Variants in PRR16 observed in about 807,000 individuals in gnomAD.
PRR16 encodes the protein protein Largen.
Under a neutral mutation model 18.2 loss-of-function variants are expected in PRR16, and 6 were observed. The ratio of observed to expected loss-of-function variants is 0.33; its 90% confidence interval spans 0.18 to 0.65. The LOEUF (loss-of-function observed/expected upper bound fraction) is 0.65, where lower values mean the gene tolerates loss of function less well. Among genes scored for constraint, PRR16 ranks in the 30% least tolerant of loss-of-function variants. PRR16 has a pLI of 0.74. For missense variants in PRR16, 412 were observed against 376.6 expected (o/e 1.09, Z -0.78); for synonymous variants, 151 against 147.8 (o/e 1.02, Z -0.16).
At chr5:120,740,693 A>G in the PRR16 span, among the ~76,000 whole-genome samples, 7 of 152,298 alleles carry the variant, frequency 4.6e-5, no homozygotes, top group African/African-American at 1.7e-4. Flanking sequence ...TCATTTCTAT[A>G]TAAATTCTGG....
the PRR16 span, among the ~76,000 whole-genome samples, chr5:120,740,682 C>T: frequency 6.6e-6 from 1 of 152,106 alleles, no homozygotes; most frequent in Admixed American, 6.5e-5. Context: ...CTTAAACCTT[C>T]TCATTTCTAT....
the PRR16 span, among the ~76,000 whole-genome samples, chr5:120,745,729 C>T: frequency 0.1 from 15,591 of 151,448 alleles, 1,017 homozygotes; most frequent in African/African-American, 0.18. Context: ...GATAGAGTCT[C>T]ACTCTGTCAC....
chr5:120,573,541 AAGCTTT>A (rs1752973206), intron 1 of PRR16, among the ~76,000 whole-genome samples: 2 of 152,136 alleles, frequency 1.3e-5, no homozygotes, highest in Non-Finnish European at 2.9e-5. Flanking sequence ...TAATTTAGTA[AAGCTTT>A]AGAAAGAGCA....
chr5:120,717,969 T>G, the PRR16 span, among the ~76,000 whole-genome samples: 6 of 152,154 alleles, frequency 3.9e-5, no homozygotes, highest in Non-Finnish European at 8.8e-5. Flanking sequence ...ATATTCTGCT[T>G]TTTTCCCTCC....
intron 1 of PRR16, among the ~76,000 whole-genome samples, chr5:120,510,642 G>A (rs1003438122): frequency 2.0e-5 from 3 of 152,132 alleles, no homozygotes; most frequent in Admixed American, 2.0e-4. Context: ...AATGCACTGG[G>A]TGATGGGTGG....
chr5:120,777,522 C>G, the PRR16 span, among the ~76,000 whole-genome samples: 7 of 151,914 alleles, frequency 4.6e-5, no homozygotes, highest in Non-Finnish European at 1.0e-4. Context: ...CTCACTTTTC[C>G]CTATTCTCAT....
At chr5:120,674,373 A>G (rs1756723561) in intron 1 of PRR16, among the ~76,000 whole-genome samples, 1 of 152,194 alleles carries the variant, frequency 6.6e-6, no homozygotes, top group African/African-American at 2.4e-5. Flanking sequence ...CTTTTAAAGA[A>G]TGGATGTGAA....
the PRR16 span, among the ~76,000 whole-genome samples, chr5:120,761,719 C>T: frequency 1.3e-5 from 2 of 152,002 alleles, no homozygotes; most frequent in Non-Finnish European, 1.5e-5. Context: ...GTGTTGGGAA[C>T]ATTTCAAATC....
At chr5:120,725,224 G>A in the PRR16 span, among the ~76,000 whole-genome samples, 42 of 151,832 alleles carry the variant, frequency 2.8e-4, no homozygotes, top group African/African-American at 1.0e-3. Flanking sequence ...GTTATATCAT[G>A]ACAAGATCAG....
intron 1 of PRR16, among the ~76,000 whole-genome samples, chr5:120,512,890 A>G (rs1327987133): frequency 6.6e-6 from 1 of 152,196 alleles, no homozygotes; most frequent in Non-Finnish European, 1.5e-5. Flanking sequence ...CAGGACTCAC[A>G]TACTATATAG....
the PRR16 span, among the ~76,000 whole-genome samples, chr5:120,742,567 A>G: frequency 4.3e-4 from 65 of 152,164 alleles, no homozygotes; most frequent in African/African-American, 1.5e-3. Context: ...AAAAGAGATT[A>G]AAAGCATAGT....
chr5:120,608,313 T>C (rs184690199), intron 1 of PRR16, among the ~76,000 whole-genome samples: 1 of 152,272 alleles, frequency 6.6e-6, no homozygotes, highest in East Asian at 1.9e-4. Context: ...GTGCTACTTA[T>C]GTAAAACAGA....
intron 1 of PRR16, among the ~76,000 whole-genome samples, chr5:120,587,603 A>G (rs189077937): frequency 6.6e-6 from 1 of 152,334 alleles, no homozygotes; most frequent in East Asian, 1.9e-4. Context: ...TGTTTACAGC[A>G]CGATAAACTG....
At chr5:120,738,248 T>G in the PRR16 span, among the ~76,000 whole-genome samples, 1 of 152,102 alleles carries the variant, frequency 6.6e-6, no homozygotes, top group African/African-American at 2.4e-5. Flanking sequence ...TGGGGGCTCG[T>G]GGGTATAGCT....
chr5:120,641,774 T>C (rs773130803), intron 1 of PRR16, among the ~76,000 whole-genome samples: 7 of 152,114 alleles, frequency 4.6e-5, no homozygotes, highest in Non-Finnish European at 1.0e-4. Context: ...ACCCTCCGTC[T>C]GCAGAGAGCG....
the PRR16 span, among the ~76,000 whole-genome samples, chr5:120,715,031 G>A: frequency 6.6e-6 from 1 of 151,740 alleles, no homozygotes; most frequent in African/African-American, 2.4e-5. Flanking sequence ...CAGGTCAATA[G>A]GTGCAGCAAA....
the PRR16 span, among the ~76,000 whole-genome samples, chr5:120,794,574 G>A: frequency 6.6e-6 from 1 of 152,102 alleles, no homozygotes; most frequent in Admixed American, 6.5e-5. Flanking sequence ...ATAAATGTGT[G>A]TGTTTTGACT....
At chr5:120,581,428 C>T (rs902910715) in intron 1 of PRR16, among the ~76,000 whole-genome samples, 3 of 152,110 alleles carry the variant, frequency 2.0e-5, no homozygotes, top group African/African-American at 7.2e-5. Context: ...AATAGTCTAG[C>T]TAGCAGTCTA....
chr5:120,611,124 C>T (rs1490058118), intron 1 of PRR16, among the ~76,000 whole-genome samples: 2 of 152,084 alleles, frequency 1.3e-5, no homozygotes, highest in Non-Finnish European at 2.9e-5. Flanking sequence ...GGAACTTTGA[C>T]CTTGAGAGAG....
Sources: allele counts gnomAD v4.1 joint callset (sites outside exome capture counted in the v4.1 genomes callset), GRCh38; gene constraint gnomAD v4.1.1; transcripts MANE v1.5; gene names NCBI Gene and HGNC (gene_info 2026-07-23, HGNC 2026-07-21).